ATP13A3: variants seen among roughly 807,000 people sequenced by gnomAD.
ATP13A3 encodes the protein polyamine-transporting ATPase 13A3.
ATP13A3 carries 59 observed loss-of-function variants against 158.1 expected under a neutral mutation model. The observed-to-expected ratio is 0.37, with a 90% CI of 0.30 to 0.46. The LOEUF (loss-of-function observed/expected upper bound fraction) is 0.46, where lower values mean the gene tolerates loss of function less well. Among genes scored for constraint, ATP13A3 ranks in the 20% least tolerant of loss-of-function variants. The pLI, the probability that ATP13A3 is intolerant of heterozygous loss-of-function variation, is 1.00. For missense variants in ATP13A3, 1,166 were observed against 1,525.2 expected (o/e 0.76, Z 3.92); for synonymous variants, 491 against 504.3 (o/e 0.97, Z 0.35).
chr3:194,458,090 T>C (rs183329807), intron 6 of ATP13A3, among the ~76,000 whole-genome samples: 243 of 152,122 alleles, frequency 1.6e-3, no homozygotes, highest in Non-Finnish European at 1.8e-3. Context: ...CCCGCCTTAA[T>C]TATGCTTATT....
chr3:194,422,660 A>G (rs1716475614), intron 30 of ATP13A3, among the ~76,000 whole-genome samples: 2 of 152,114 alleles, frequency 1.3e-5, no homozygotes, highest in African/African-American at 4.8e-5. Flanking sequence ...ATGATACCAG[A>G]TGCCACCGAT....
At chr3:194,422,880 A>T (rs1159247912) in intron 30 of ATP13A3, among the ~76,000 whole-genome samples, 2 of 151,174 alleles carry the variant, frequency 1.3e-5, no homozygotes, top group African/African-American at 4.9e-5. Flanking sequence ...TTATGTCTTT[A>T]AAAGGTCACC....
chr3:194,440,138 G>A lies in ATP13A3; in HGVS notation c.1711-1166C>T, dbSNP rs73889870. Among the ~76,000 whole-genome samples, 330 of 152,210 alleles carry A rather than the reference G, an allele frequency of 2.2e-3. 2 individuals are homozygous for A. The highest frequency in any genetic ancestry group is 7.5e-3 in the African/African-American group (313 of 41,510). On this transcript the variant is annotated intron_variant, in intron 16 of 33. Coordinates refer to ENST00000645319, the MANE Select transcript of ATP13A3 (RefSeq NM_001367549.1). ...AATGTAAACAGAAAACAAACCTGAA[G>A]GAAGGGATTTCAAATATGGAAACAA...
intron 33 of ATP13A3, among the ~76,000 whole-genome samples, chr3:194,406,778 T>A (rs1372253200): frequency 6.6e-6 from 1 of 152,192 alleles, no homozygotes; most frequent in African/African-American, 2.4e-5. Context: ...GAAGTAAATA[T>A]CGTTTGGTCA....
chr3:194,433,304 C>G (rs368075654), intron 21 of ATP13A3, among the ~76,000 whole-genome samples: 4 of 139,396 alleles, frequency 2.9e-5, no homozygotes, highest in African/African-American at 8.2e-5. Flanking sequence ...ACTGCAGTGG[C>G]GCAATCTCGG....
In ATP13A3 at chr3:194,453,757, T is replaced by A. The variant is rs751519323; in HGVS notation, c.787A>T (p.Met263Leu). 1.9e-6 allele frequency: 3 copies of A among 1,613,778 alleles called. No homozygotes were observed. The highest frequency in any genetic ancestry group is 1.7e-6 in the Non-Finnish European group (2 of 1,179,728). The change falls in exon 10 of 34, where the codon ATG becomes TTG. Residue 263 changes from methionine (M) to leucine (L), a missense_variant. By Grantham distance (15) the Met-to-Leu change is conservative. This residue lies in a region of ATP13A3 where 997 missense variants were observed against 1,341.2 expected (regional missense o/e 0.74). Coordinates refer to ENST00000645319, the MANE Select transcript of ATP13A3 (RefSeq NM_001367549.1). The part of the protein sequence containing the change: ...IRKQYVMLHD[M>L]VATHSTVRVS... Reference sequence around the variant, plus strand: ...CTTACGGTACTATGAGTTGCCACCATGTCATGCAACATAACATATTGCTGA... The same window carrying A: ...CTTACGGTACTATGAGTTGCCACCAAGTCATGCAACATAACATATTGCTGA...
At chr3:194,464,537 GA>G (rs779741035) in intron 2 of ATP13A3, among the ~76,000 whole-genome samples, 2 of 152,144 alleles carry the variant, frequency 1.3e-5, no homozygotes, top group Non-Finnish European at 2.9e-5. Context: ...ACTATGGTGA[GA>G]ATAAGCCCAA....
At chr3:194,475,157 G>A (rs1328327142) in intron 2 of ATP13A3, among the ~76,000 whole-genome samples, 4 of 152,124 alleles carry the variant, frequency 2.6e-5, no homozygotes, top group Non-Finnish European at 5.9e-5. Context: ...ATACCTCCAA[G>A]TCTTCAGTGT....
chr3:194,479,094 T>C (rs986472038), intron 2 of ATP13A3, among the ~76,000 whole-genome samples: 9 of 152,168 alleles, frequency 5.9e-5, no homozygotes, highest in African/African-American at 9.6e-5. Flanking sequence ...TTAGAAAGGA[T>C]TGGGGCGGGG....
At chr3:194,441,268 T>C (rs749573910) in intron 16 of ATP13A3, 43 bp downstream of exon 16, 6 of 1,494,148 alleles carry the variant, frequency 4.0e-6, no homozygotes, top group Non-Finnish European at 5.5e-6. Flanking sequence ...TTTTTAACTA[T>C]TATTTTCCTA....
At chr3:194,450,317 CT>C in intron 10 of ATP13A3, 41 bp from the exon 11 acceptor site, 1 of 1,568,718 alleles carries the variant, frequency 6.4e-7, no homozygotes. Context: ...AAAAGATATT[CT>C]TTACCTTGGA....
At chr3:194,438,388 G>C (rs1717813388) in intron 17 of ATP13A3, among the ~76,000 whole-genome samples, 1 of 152,024 alleles carries the variant, frequency 6.6e-6, no homozygotes, top group African/African-American at 2.4e-5. Context: ...TAAAAGTAAA[G>C]CCTTTCATAC....
intron 9 of ATP13A3, among the ~76,000 whole-genome samples, 191 bp downstream of exon 9, chr3:194,454,067 A>T (rs1213973261): frequency 6.6e-6 from 1 of 152,232 alleles, no homozygotes; most frequent in Non-Finnish European, 1.5e-5. Context: ...GACTCTACAA[A>T]GCACCTGCTA....
At chr3:194,423,560 G>T (rs1308395201) in intron 30 of ATP13A3, among the ~76,000 whole-genome samples, 1 of 152,160 alleles carries the variant, frequency 6.6e-6, no homozygotes, top group Admixed American at 6.5e-5. Context: ...TTTTCAGAAG[G>T]CATGCTTTAC....
intron 2 of ATP13A3, among the ~76,000 whole-genome samples, chr3:194,467,685 T>C (rs948753605): frequency 1.3e-5 from 2 of 152,180 alleles, no homozygotes; most frequent in African/African-American, 2.4e-5. Flanking sequence ...AACATATGTA[T>C]GTTAAAAACA....
chr3:194,429,096 T>A (rs950210185), intron 27 of ATP13A3, among the ~76,000 whole-genome samples, 179 bp from the exon 28 acceptor site: 1 of 152,074 alleles, frequency 6.6e-6, no homozygotes, highest in African/African-American at 2.4e-5. Flanking sequence ...TTTATAAATA[T>A]TTGATTTAGT....
At chr3:194,489,889 T>C (rs1336868696), upstream of ATP13A3, among the ~76,000 whole-genome samples, 1 of 152,080 alleles carries the variant, frequency 6.6e-6, no homozygotes, top group Non-Finnish European at 1.5e-5. The surrounding 1 kb of genome is among the most constrained non-coding windows in gnomAD (Gnocchi z 4.1). Context: ...AAACCCAAGA[T>C]AGGCGAGAGA....
upstream of ATP13A3, chr3:194,487,643 C>T (rs1186259662): frequency 2.0e-5 from 3 of 152,372 alleles, no homozygotes; most frequent in South Asian, 2.1e-4. Flanking sequence ...AAATACTTCC[C>T]TCCGCAGAAG....
chr3:194,492,162 C>T (rs1263688974), intron 2 of ATP13A3, among the ~76,000 whole-genome samples: 6 of 152,126 alleles, frequency 3.9e-5, no homozygotes, highest in African/African-American at 1.4e-4. Context: ...GTCTTCTCAC[C>T]GCAGACCCCT....
Sources: gnomAD v4.1 joint callset for allele counts (sites outside exome capture counted in the v4.1 genomes callset) on GRCh38, gnomAD v4.1.1 for gene constraint, gnomAD v4.1.1 regional missense constraint, Gnocchi (gnomAD v3.1) non-coding constraint, MANE v1.5 for transcripts, NCBI Gene and HGNC (gene_info 2026-07-23, HGNC 2026-07-21) for gene names.